Variants in CAMK2D observed in about 807,000 individuals in gnomAD.
CAMK2D encodes the protein calcium/calmodulin dependent protein kinase II delta.
Under a neutral mutation model 84.0 loss-of-function variants are expected in CAMK2D, and 37 were observed. The ratio of observed to expected loss-of-function variants is 0.44; its 90% CI spans 0.34 to 0.58. The LOEUF is 0.58. CAMK2D is among the 20% of genes least tolerant of loss of function. CAMK2D has a pLI of 0.02. For synonymous variants in CAMK2D, 202 were observed against 212.5 expected (o/e 0.95, Z 0.43); for missense variants, 448 against 652.5 (o/e 0.69, Z 3.41).
At chr4:113,601,922 C>T (rs1041051941) in intron 4 of CAMK2D, among the ~76,000 whole-genome samples, 1 of 151,812 alleles carries the variant, frequency 6.6e-6, no homozygotes, top group Non-Finnish European at 1.5e-5. Flanking sequence ...GTCTCGAACT[C>T]CTGGGCTTAA....
At chr4:113,656,317 T>A (rs977870262) in intron 3 of CAMK2D, among the ~76,000 whole-genome samples, 2 of 152,152 alleles carry the variant, frequency 1.3e-5, no homozygotes, top group Non-Finnish European at 2.9e-5. Flanking sequence ...AGCCAAAAGA[T>A]GCATGGTGCT....
intron 4 of CAMK2D, among the ~76,000 whole-genome samples, chr4:113,599,588 G>GT (rs1425322597): frequency 6.6e-6 from 1 of 152,064 alleles, no homozygotes; most frequent in Non-Finnish European, 1.5e-5. Flanking sequence ...GAGGGGTAGA[G>GT]TATCAACCCC....
intron 4 of CAMK2D, among the ~76,000 whole-genome samples, chr4:113,577,636 T>TA (rs1230303734): frequency 1.3e-5 from 2 of 152,310 alleles, no homozygotes; most frequent in South Asian, 2.1e-4. Context: ...TTTCTAGGCT[T>TA]TGAGCTCACT....
At chr4:113,601,683 CTTTTTTTTTTTTTTT>C (rs755850795) in intron 4 of CAMK2D, among the ~76,000 whole-genome samples, 11 of 45,818 alleles carry the variant, frequency 2.4e-4, no homozygotes, top group Non-Finnish European at 3.5e-4. Context: ...ACTGTTTATT[CTTTTTTTTTTTTTTT>C]TTTTTTTTTT....
chr4:113,690,251 A>G (rs2099383222), intron 2 of CAMK2D, among the ~76,000 whole-genome samples: 1 of 152,222 alleles, frequency 6.6e-6, no homozygotes, highest in South Asian at 2.1e-4. Flanking sequence ...CTGAATTCAT[A>G]CTACTGAAGA....
intron 2 of CAMK2D, among the ~76,000 whole-genome samples, chr4:113,679,880 T>C: frequency 6.6e-6 from 1 of 152,184 alleles, no homozygotes; most frequent in Middle Eastern, 3.2e-3. Context: ...AATGATTTAT[T>C]TGAAGACAGC....
At chr4:113,718,436 C>A (rs780832655) in intron 2 of CAMK2D, among the ~76,000 whole-genome samples, 1 of 152,202 alleles carries the variant, frequency 6.6e-6, no homozygotes, top group Admixed American at 6.5e-5. Context: ...CTAAGTGATG[C>A]CAGATGATCC....
chr4:113,589,310 T>C (rs1360479645), intron 4 of CAMK2D, among the ~76,000 whole-genome samples: 1 of 152,090 alleles, frequency 6.6e-6, no homozygotes, highest in Non-Finnish European at 1.5e-5. Flanking sequence ...CAAGCGATGA[T>C]AATGGTTTTG....
At chr4:113,595,071 C>G (rs1009355134) in intron 4 of CAMK2D, among the ~76,000 whole-genome samples, 1 of 151,966 alleles carries the variant, frequency 6.6e-6, no homozygotes, top group African/African-American at 2.4e-5. Context: ...AAGAAAAAAT[C>G]TTTACAAAGA....
intron 5 of CAMK2D, chr4:113,548,784 A>C (rs756817602): frequency 8.8e-6 from 7 of 799,516 alleles, no homozygotes; most frequent in Non-Finnish European, 1.5e-5. Context: ...GCACATAATC[A>C]CATTGAATAT....
intron 4 of CAMK2D, among the ~76,000 whole-genome samples, chr4:113,572,777 T>TA (rs1278420390): frequency 6.6e-6 from 1 of 151,822 alleles, no homozygotes; most frequent in Non-Finnish European, 1.5e-5. Context: ...CAAAAGCAAA[T>TA]ACATGGAATC....
chr4:113,491,966 T>A (rs1409661000), intron 16 of CAMK2D, among the ~76,000 whole-genome samples: 4 of 152,234 alleles, frequency 2.6e-5, no homozygotes, highest in Non-Finnish European at 5.9e-5. Context: ...TAGTTTCTAT[T>A]TCTGTGGGAT....
chr4:113,474,689 C>G (rs1161112454), intron 16 of CAMK2D, among the ~76,000 whole-genome samples: 2 of 152,014 alleles, frequency 1.3e-5, no homozygotes, highest in Non-Finnish European at 2.9e-5. Context: ...TCTTGTCCCC[C>G]AGGCTGGAGT....
At chr4:113,519,884 C>A (rs997427757) in intron 8 of CAMK2D, among the ~76,000 whole-genome samples, 5 of 152,076 alleles carry the variant, frequency 3.3e-5, no homozygotes, top group East Asian at 1.9e-4. Flanking sequence ...ACTGTTTCAA[C>A]CACAAGCAGG....
intron 16 of CAMK2D, among the ~76,000 whole-genome samples, chr4:113,491,863 G>C (rs1188004663): frequency 2.6e-5 from 4 of 151,984 alleles, no homozygotes; most frequent in Admixed American, 2.0e-4. Context: ...TCCTGGTTTA[G>C]TCTTGGGAGG....
intron 4 of CAMK2D, among the ~76,000 whole-genome samples, chr4:113,600,639 C>A (rs920564439): frequency 6.6e-6 from 1 of 151,760 alleles, no homozygotes; most frequent in African/African-American, 2.4e-5. Context: ...TAATAATTAC[C>A]ATTTTTATTT....
rs184472809 is a variant in CAMK2D at position 113,502,950 on chromosome 4, G to C, written c.1072C>G (p.Pro358Ala). 6.2e-7 allele frequency: 1 copy of C among 1,607,226 alleles called. No individual in the cohort carries two copies. The highest frequency in any genetic ancestry group is 1.7e-5 in the Admixed American group (1 of 59,980). ...TTTCTGAATACCTTGTTTCCATCAG[G>C]GTTGTGGATTACAGTAGTTTGGGGC... ...LEPQTTVIHN[P>A]DGNKESTESS... is the part of the protein sequence containing the mutation. The change falls in exon 15 of 21, where the codon CCT becomes GCT. Residue 358 changes from proline to alanine, a missense_variant. Transcript: ENST00000511664.
At chr4:113,701,276 T>C (rs1191467005) in intron 2 of CAMK2D, among the ~76,000 whole-genome samples, 1 of 152,194 alleles carries the variant, frequency 6.6e-6, no homozygotes, top group Admixed American at 6.5e-5. Flanking sequence ...TCCAAAAGAA[T>C]TTTTTATTTT....
chr4:113,710,318 T>C (rs764969729), intron 2 of CAMK2D, among the ~76,000 whole-genome samples: 28 of 152,070 alleles, frequency 1.8e-4, no homozygotes, highest in Non-Finnish European at 3.2e-4. Context: ...CTGGAGCAAA[T>C]TTAAGATATG....
Sources: gnomAD v4.1 joint callset for allele counts (sites outside exome capture counted in the v4.1 genomes callset) on GRCh38, gnomAD v4.1.1 for gene constraint, MANE v1.5 for transcripts, NCBI Gene and HGNC (gene_info 2026-07-23, HGNC 2026-07-21) for gene names.